Variants in EIF2A observed in about 807,000 individuals in gnomAD.
EIF2A encodes the protein 65 kDa eukaryotic translation initiation factor 2A.
EIF2A carries 62 observed loss-of-function variants against 75.2 expected under a neutral mutation model. That is an observed-to-expected ratio of 0.82 (90% confidence interval 0.67 to 1.02). EIF2A has a LOEUF of 1.02. Ranked by LOEUF, EIF2A falls within the 50% of genes least tolerant of loss-of-function variation. The probability of loss-of-function intolerance (pLI) is 0.00; values close to 1 mark genes in which losing one functional copy is unlikely to be tolerated. For synonymous variants in EIF2A, 207 were observed against 239.0 expected, an observed-to-expected ratio of 0.87 and a Z score of 1.23; for missense variants, 611 against 677.7, an observed-to-expected ratio of 0.90 and a Z score of 1.09.
chr3:150,570,584 G>A (rs11916902), intron 9 of EIF2A, among the ~76,000 whole-genome samples: 30,172 of 147,576 alleles, frequency 0.2, 3,292 homozygotes, highest in East Asian at 0.4. Flanking sequence ...AAAAGAAGAA[G>A]AAAAAAAATC....
chr3:150,552,335 C>T (rs879077288), intron 1 of EIF2A, 21 bp from the exon 2 acceptor site: 1 of 1,543,810 alleles, frequency 6.5e-7, no homozygotes, highest in Non-Finnish European at 8.7e-7. Flanking sequence ...AATTGTGGTT[C>T]TTTTTATTTT....
chr3:150,582,164 C>T (rs1294285647), intron 12 of EIF2A, among the ~76,000 whole-genome samples: 2 of 151,394 alleles, frequency 1.3e-5, no homozygotes, highest in African/African-American at 4.9e-5. Context: ...CCACGCCTGG[C>T]TAATTTTTAT....
intron 10 of EIF2A, among the ~76,000 whole-genome samples, chr3:150,573,759 G>C (rs1039805616): frequency 6.6e-6 from 1 of 152,010 alleles, no homozygotes; most frequent in African/African-American, 2.4e-5. Context: ...CAGTGTAGTA[G>C]ATAACTTCAC....
intron 12 of EIF2A, 101 bp downstream of exon 12, chr3:150,581,847 G>A: frequency 2.2e-6 from 3 of 1,360,872 alleles, no homozygotes; most frequent in East Asian, 2.5e-5. Context: ...CTAAGAAGTT[G>A]GTATCAGCAG....
chr3:150,551,408 C>CT (rs1185604325), intron 1 of EIF2A, among the ~76,000 whole-genome samples: 1 of 151,986 alleles, frequency 6.6e-6, no homozygotes, highest in African/African-American at 2.4e-5. Context: ...TTTGGTTCAG[C>CT]TTTAGAAGCA....
chr3:150,572,342 A>G lies in EIF2A; in HGVS notation c.1196A>G (p.Lys399Arg). The G allele has an allele frequency of 6.2e-7, 1 of 1,614,036 alleles. No individual in the cohort carries two copies. Among genetic ancestry groups the G allele is most frequent in the Non-Finnish European group, 8.5e-7 (1 of 1,179,892 alleles). Residue 399 changes from lysine (K) to arginine (R), a missense_variant, in exon 10 of 14, where the codon AAG (lysine) becomes AGG (arginine). By Grantham distance (26) the Lys-to-Arg change is conservative. Coordinates refer to ENST00000460851, the MANE Select transcript of EIF2A (RefSeq NM_032025.5). ...CATTATACTGGCTCTATCTTGCACAAGTATGATGTGCCATCAAATGCAGAA... is the reference window on the plus strand; with the variant it reads ...CATTATACTGGCTCTATCTTGCACAGGTATGATGTGCCATCAAATGCAGAA... The part of the protein sequence containing the change: ...IWHYTGSILH[K>R]YDVPSNAELW...
At chr3:150,570,410 T>C (rs949444953) in intron 9 of EIF2A, among the ~76,000 whole-genome samples, 1 of 151,660 alleles carries the variant, frequency 6.6e-6, no homozygotes, top group Non-Finnish European at 1.5e-5. Context: ...TAGTAAAAAT[T>C]AGTCCTCAGA....
intron 4 of EIF2A, 52 bp downstream of exon 4, chr3:150,562,712 T>TG (rs201971408): frequency 1.0e-5 from 14 of 1,379,600 alleles, no homozygotes; most frequent in African/African-American, 3.0e-5. Flanking sequence ...TTACGTTTAG[T>TG]GGGGGGGAAA....
chr3:150,554,452 T>A (rs1723463438), intron 2 of EIF2A, among the ~76,000 whole-genome samples: 1 of 152,210 alleles, frequency 6.6e-6, no homozygotes, highest in Non-Finnish European at 1.5e-5. Context: ...TTTGTAATCC[T>A]CAAGAAATGG....
At position 150,571,906 on chromosome 3, in the gene EIF2A, A is replaced by C. The variant is rs1724546104; in HGVS notation, c.812-52A>C. 3 of 1,499,968 alleles carry C rather than the reference A, an allele frequency of 2.0e-6. No homozygotes were observed. The South Asian group carries it at 4.0e-5, about 20-fold the overall frequency. 92.9% of individuals were successfully genotyped at this position (1,499,968 alleles called of 1,614,324 possible). On this transcript the variant is annotated intron_variant, in intron 9 of 13. Transcript: ENST00000460851. ...TATATGATGGTAACTTTTGCTAACAAATATTTATATAGTTCTTTATTGCTA... is the reference window on the plus strand; with the variant it reads ...TATATGATGGTAACTTTTGCTAACACATATTTATATAGTTCTTTATTGCTA...
chr3:150,572,562 A>G, intron 10 of EIF2A, 33 bp downstream of exon 10: 1 of 1,562,166 alleles, frequency 6.4e-7, no homozygotes, highest in Non-Finnish European at 8.6e-7. Flanking sequence ...TATAGAAAAA[A>G]GTTTATTTTG....
At chr3:150,583,078 C>T (rs893643322) in intron 12 of EIF2A, 122 bp from the exon 13 acceptor site, 60 of 802,888 alleles carry the variant, frequency 7.5e-5, no homozygotes, top group Admixed American at 1.6e-4. Flanking sequence ...TTTTAACAGA[C>T]CATTGTTGAT....
At chr3:150,581,525 A>C (rs1033552077) in intron 11 of EIF2A, 93 bp from the exon 12 acceptor site, 132 of 1,392,086 alleles carry the variant, frequency 9.5e-5, no homozygotes, top group Non-Finnish European at 1.2e-4. Context: ...TCACATATTT[A>C]GTTTCTGTAT....
intron 11 of EIF2A, among the ~76,000 whole-genome samples, chr3:150,579,702 CAAAAAA>C (rs66761185): frequency 1.0e-4 from 14 of 134,124 alleles, no homozygotes; most frequent in African/African-American, 4.0e-4. Flanking sequence ...ACTCTGTCTC[CAAAAAA>C]AAAAAAAAAG....
chr3:150,574,862 C>T (rs145741185), intron 10 of EIF2A, among the ~76,000 whole-genome samples: 260 of 152,290 alleles, frequency 1.7e-3, no homozygotes, highest in African/African-American at 6.0e-3. Flanking sequence ...GTCTAAGAGA[C>T]AGTTAACATT....
chr3:150,567,728 A>G lies in EIF2A; in HGVS notation c.511A>G (p.Asn171Asp). Residue 171 changes from asparagine (N) to aspartate (D), a missense_variant, in exon 7 of 14, where the codon AAT becomes GAT. By Grantham distance (23) the Asn-to-Asp change is conservative. Transcript: ENST00000460851. ...IANKLHLQKI[N>D]DFVLSPGPQP... ...AAATAAATTGCATTTGCAAAAAATT[A>G]ATGATTTTGTATTATCACCTGGACC... 6.4e-7 allele frequency: 1 copy of G among 1,555,014 alleles called. No homozygotes were observed. Among genetic ancestry groups the G allele is most frequent in the Non-Finnish European group, 8.7e-7 (1 of 1,148,586 alleles).
At chr3:150,564,620 C>A in intron 6 of EIF2A, 1 of 304,472 alleles carries the variant, frequency 3.3e-6, no homozygotes, top group Non-Finnish European at 6.0e-6. Flanking sequence ...ATTTGAATAT[C>A]TTTTCCTGAA....
At chr3:150,562,140 G>A (rs1723906018) in intron 3 of EIF2A, among the ~76,000 whole-genome samples, 1 of 151,574 alleles carries the variant, frequency 6.6e-6, no homozygotes, top group Admixed American at 6.6e-5. Context: ...TGAACATTTT[G>A]GGCTGGGCAT....
chr3:150,583,358 G>A, intron 13 of EIF2A, 93 bp downstream of exon 13: 1 of 1,245,864 alleles, frequency 8.0e-7, no homozygotes, highest in South Asian at 1.5e-5. Context: ...AAGAGCACAT[G>A]GAGTTTAAAA....
Sources: gnomAD v4.1 joint callset for allele counts (sites outside exome capture counted in the v4.1 genomes callset) on GRCh38, gnomAD v4.1.1 for gene constraint, MANE v1.5 for transcripts, NCBI Gene and HGNC (gene_info 2026-07-23, HGNC 2026-07-21) for gene names.